RAB1A: variants seen among roughly 807,000 people sequenced by gnomAD.
The protein encoded by RAB1A is ras-related protein Rab-1A.
RAB1A carries 2 observed loss-of-function variants against 26.0 expected under a neutral mutation model. The observed-to-expected ratio is 0.08, with a 90% CI of 0.03 to 0.24. RAB1A has a LOEUF of 0.24. RAB1A is among the 10% of genes least tolerant of loss of function. RAB1A has a pLI of 1.00. For synonymous variants in RAB1A, 84 were observed against 84.9 expected (o/e 0.99, Z 0.06); for missense variants, 100 against 247.0 (o/e 0.40, Z 3.99).
intron 4 of RAB1A, among the ~76,000 whole-genome samples, chr2:65,089,364 C>T (rs2103819675): frequency 6.6e-6 from 1 of 152,104 alleles, no homozygotes; most frequent in Non-Finnish European, 1.5e-5. Flanking sequence ...AGGCACATGC[C>T]ACCACACCTG....
In RAB1A at chr2:65,130,086, G is replaced by A; in HGVS notation, c.-171C>T. The A allele has an allele frequency of 1.3e-6, 1 of 778,506 alleles. No homozygotes were observed. Among genetic ancestry groups the A allele is most frequent in the Non-Finnish European group, 2.1e-6 (1 of 466,992 alleles). The allele number at this position is 778,506 out of a possible 1,614,324, so 48.2% of individuals were successfully genotyped here. A position where few individuals can be genotyped will look rare whatever the true frequency, so the allele number is the denominator to read the frequency against. ...CACAATCAGCAGCCGCCGCCACTCA[G>A]CTATCGCTTCCACCCAAAATGGCCG... On this transcript the variant is annotated 5_prime_UTR_variant, in exon 1 of 6. Transcript: ENST00000409784.
intron 1 of RAB1A, among the ~76,000 whole-genome samples, chr2:65,118,940 G>A (rs1454915548): frequency 6.6e-6 from 1 of 152,038 alleles, no homozygotes; most frequent in Non-Finnish European, 1.5e-5. Flanking sequence ...TGTAATCCCA[G>A]CACGTTGGGA....
intron 1 of RAB1A, chr2:65,105,304 A>C: frequency 5.2e-6 from 1 of 193,752 alleles, no homozygotes; most frequent in South Asian, 7.8e-5. Flanking sequence ...CAGGAGTTCA[A>C]GACCAGCCTG....
chr2:65,130,034 C>G lies in RAB1A; in HGVS notation c.-119G>C, dbSNP rs1045924244. On this transcript the variant is annotated 5_prime_UTR_variant, in exon 1 of 6. Transcript: ENST00000409784. ...AGATAGGCTGTTCCGGGAGAGCAAA[C>G]GTCTTCCCCTACTCCGTCCCCTAGA... 5.9e-5 allele frequency: 67 copies of G among 1,128,280 alleles called. No homozygotes were observed. The highest frequency in any genetic ancestry group is 8.0e-5 in the Non-Finnish European group (61 of 767,134). 69.9% of individuals were successfully genotyped at this position (1,128,280 alleles called of 1,614,324 possible).
intron 1 of RAB1A, among the ~76,000 whole-genome samples, chr2:65,112,527 T>C (rs1669722941): frequency 6.6e-6 from 1 of 152,238 alleles, no homozygotes. Flanking sequence ...GCTGGGTTTG[T>C]AAAATAAAGC....
chr2:65,108,605 G>A (rs1175758303), intron 1 of RAB1A, among the ~76,000 whole-genome samples: 5 of 151,936 alleles, frequency 3.3e-5, no homozygotes, highest in South Asian at 2.1e-4. Context: ...TTGGGAGTTC[G>A]AGACCAGCCT....
intron 1 of RAB1A, among the ~76,000 whole-genome samples, chr2:65,129,156 T>TC (rs1008778745): frequency 1.3e-5 from 2 of 149,300 alleles, no homozygotes; most frequent in African/African-American, 4.9e-5. Flanking sequence ...TTTTTTTTTT[T>TC]CCCTTGACCC....
intron 3 of RAB1A, among the ~76,000 whole-genome samples, chr2:65,091,504 G>C (rs1669170863): frequency 6.6e-6 from 1 of 152,136 alleles, no homozygotes; most frequent in Non-Finnish European, 1.5e-5. Flanking sequence ...AGTCAAGACA[G>C]AACTTTAATC....
chr2:65,124,216 T>G (rs1670041862), intron 1 of RAB1A, among the ~76,000 whole-genome samples: 1 of 152,076 alleles, frequency 6.6e-6, no homozygotes, highest in African/African-American at 2.4e-5. Context: ...AGAACTGACC[T>G]CAAGTGATCT....
chr2:65,110,572 G>A lies in RAB1A; in HGVS notation c.24-5766C>T, dbSNP rs74954853. Among the ~76,000 whole-genome samples, 735 of 152,160 alleles carry A rather than the reference G, an allele frequency of 4.8e-3. 6 individuals are homozygous for A. Among genetic ancestry groups the A allele is most frequent in the African/African-American group, 0.016 (660 of 41,514 alleles). On this transcript the variant is annotated intron_variant, in intron 1 of 5. Coordinates refer to ENST00000409784, the MANE Select transcript of RAB1A (RefSeq NM_004161.5). ...ATAAATGATTATAAATGGGAGGGAA[G>A]AGACAAGTCAATAACACATGCTGAA...
At chr2:65,124,750 G>A (rs185260524) in intron 1 of RAB1A, among the ~76,000 whole-genome samples, 2 of 152,138 alleles carry the variant, frequency 1.3e-5, no homozygotes, top group East Asian at 3.9e-4. Context: ...CCAGGCCTCA[G>A]TTCTTATCTT....
chr2:65,092,052 A>G (rs1417171159), intron 3 of RAB1A, among the ~76,000 whole-genome samples: 1 of 152,148 alleles, frequency 6.6e-6, no homozygotes. Flanking sequence ...AGACGGGCGG[A>G]TTACGAGCTC....
chr2:65,123,150 G>A (rs574223351), intron 1 of RAB1A, among the ~76,000 whole-genome samples: 2 of 151,476 alleles, frequency 1.3e-5, no homozygotes, highest in Non-Finnish European at 2.9e-5. Flanking sequence ...AATATAGCAG[G>A]ATGTTAGCAC....
chr2:65,120,834 C>A (rs536831269), intron 1 of RAB1A, among the ~76,000 whole-genome samples: 4 of 152,060 alleles, frequency 2.6e-5, no homozygotes, highest in Admixed American at 6.6e-5. Flanking sequence ...TATTATTATA[C>A]AAAGGAAATA....
intron 1 of RAB1A, among the ~76,000 whole-genome samples, chr2:65,128,067 T>C (rs1670145303): frequency 6.6e-6 from 1 of 152,138 alleles, no homozygotes; most frequent in Non-Finnish European, 1.5e-5. Context: ...AGGATTATAT[T>C]CCTAAATCCT....
chr2:65,108,832 A>G (rs1259475077), intron 1 of RAB1A, among the ~76,000 whole-genome samples: 1 of 152,218 alleles, frequency 6.6e-6, no homozygotes, highest in African/African-American at 2.4e-5. Context: ...AAAATTATTT[A>G]TGAGTTTCTA....
chr2:65,091,137 TG>T lies in RAB1A; in HGVS notation c.193-60del, dbSNP rs369891202. The T allele has an allele frequency of 1.6e-5, 22 of 1,335,500 alleles. No individual in the cohort carries two copies. In the African/African-American group the frequency reaches 2.9e-4, roughly 18 times the overall value. 82.7% of individuals were successfully genotyped at this position (1,335,500 alleles called of 1,614,324 possible). A position where few individuals can be genotyped will look rare whatever the true frequency, so the allele number is the denominator to read the frequency against. Reference sequence around the variant, plus strand: ...CCATTAAAATAAAGTTGGGGAAAAGTGTAGGAGGGAGGGGAAATAGTTTAGT... The same window carrying T: ...CCATTAAAATAAAGTTGGGGAAAAGTTAGGAGGGAGGGGAAATAGTTTAGT... On this transcript the variant is annotated intron_variant, in intron 3 of 5. Transcript: ENST00000409784.
chr2:65,112,107 G>A (rs940332596), intron 1 of RAB1A, among the ~76,000 whole-genome samples: 22 of 149,938 alleles, frequency 1.5e-4, no homozygotes, highest in African/African-American at 5.1e-4. Flanking sequence ...AAAACAAAAC[G>A]AAAAATGACA....
At chr2:65,101,060 C>T (rs1321944984) in intron 2 of RAB1A, among the ~76,000 whole-genome samples, 2 of 151,632 alleles carry the variant, frequency 1.3e-5, no homozygotes. Context: ...GCATGAGAAT[C>T]ACTTGAACCC....
Sources: gnomAD v4.1 joint callset for allele counts (sites outside exome capture counted in the v4.1 genomes callset) on GRCh38, gnomAD v4.1.1 for gene constraint, MANE v1.5 for transcripts, NCBI Gene and HGNC (gene_info 2026-07-23, HGNC 2026-07-21) for gene names.